Variants in FBXL17 observed in about 807,000 individuals in gnomAD.
The protein encoded by FBXL17 is F-box/LRR-repeat protein 17.
FBXL17 carries 22 observed loss-of-function variants against 66.2 expected under a neutral mutation model. That is an observed-to-expected ratio of 0.33 (90% confidence interval 0.24 to 0.47). The LOEUF is 0.47. Ranked by LOEUF, FBXL17 falls within the 20% of genes least tolerant of loss-of-function variation. FBXL17 has a pLI of 1.00. For missense variants in FBXL17, 878 were observed against 948.2 expected (o/e 0.93, Z 0.97); for synonymous variants, 474 against 400.5 (o/e 1.18, Z -2.19).
chr5:108,268,813 T>A (rs1001486172), intron 4 of FBXL17, among the ~76,000 whole-genome samples: 13 of 152,074 alleles, frequency 8.5e-5, no homozygotes, highest in Admixed American at 7.9e-4. Flanking sequence ...ACCACTACCA[T>A]CTTAGAGTTT....
rs1755420126 is a variant in FBXL17, at chr5:108,232,800, T to TATATATA, written c.1507-8573_1507-8572insTATATAT. Reference sequence around the variant, plus strand: ...GCTCTCACATATATATATATATATATATATAATATATACTATTAGTTCTGT... The same window carrying TATATATA: ...GCTCTCACATATATATATATATATATATATATAATATAATATATACTATTAGTTCTGT... On this transcript the variant is annotated intron_variant, in intron 4 of 8. Transcript: ENST00000542267. 3.0e-5 allele frequency among the ~76,000 whole-genome samples: 4 copies of TATATATA among 132,606 alleles called. No individual in the cohort carries two copies. The South Asian group carries it at 7.0e-4, about 23-fold the overall frequency. 87.0% of individuals were successfully genotyped at this position (132,606 alleles called of 152,430 possible).
intron 7 of FBXL17, among the ~76,000 whole-genome samples, chr5:107,935,066 T>C (rs971042272): frequency 3.9e-4 from 59 of 151,628 alleles, no homozygotes; most frequent in Non-Finnish European, 7.8e-4. Context: ...ATGGTATCTT[T>C]TGTTTTTTTT....
At chr5:108,243,022 C>T (rs187007895) in intron 4 of FBXL17, among the ~76,000 whole-genome samples, 101 of 152,258 alleles carry the variant, frequency 6.6e-4, no homozygotes, top group Non-Finnish European at 1.5e-4. Context: ...CTATTAGCAT[C>T]CAACGAGAAT....
chr5:108,314,035 G>A (rs892907269), intron 4 of FBXL17, among the ~76,000 whole-genome samples: 15 of 151,648 alleles, frequency 9.9e-5, no homozygotes, highest in Non-Finnish European at 3.0e-5. Context: ...TATTAAATCT[G>A]GGTAAAAGGT....
intron 7 of FBXL17, among the ~76,000 whole-genome samples, chr5:107,976,148 C>T (rs1005946303): frequency 1.3e-5 from 2 of 152,270 alleles, no homozygotes; most frequent in East Asian, 1.9e-4. Flanking sequence ...TAAGCCATCA[C>T]ACCTGGCCTA....
intron 7 of FBXL17, among the ~76,000 whole-genome samples, chr5:107,950,521 T>C (rs964733220): frequency 4.6e-5 from 7 of 152,142 alleles, no homozygotes; most frequent in Non-Finnish European, 1.0e-4. Context: ...AATGAGGTAA[T>C]GGCAAAAAGC....
rs377628632 is a variant in FBXL17, at chr5:107,892,150, G to T, written c.1823-10971C>A. On this transcript the variant is annotated intron_variant, in intron 7 of 8. Coordinates refer to ENST00000542267, the MANE Select transcript of FBXL17 (RefSeq NM_001163315.3). ...AGGAAAAAACAAAATGGCTGTATGA[G>T]AACTCTAAGTACCGTCTCTACTGAA... 3.6e-4 allele frequency among the ~76,000 whole-genome samples: 54 copies of T among 152,088 alleles called. 2 individuals carry two copies. In the Middle Eastern group the frequency reaches 0.01, roughly 29 times the overall value.
chr5:108,219,150 T>C (rs1754739147), intron 5 of FBXL17, among the ~76,000 whole-genome samples: 1 of 152,258 alleles, frequency 6.6e-6, no homozygotes. Context: ...ATGTGGGTAA[T>C]AATAGTCTCT....
intron 6 of FBXL17, among the ~76,000 whole-genome samples, chr5:108,046,684 T>C (rs945476333): frequency 6.6e-6 from 1 of 152,192 alleles, no homozygotes; most frequent in Non-Finnish European, 1.5e-5. Context: ...TTTGATCAGG[T>C]TGAGTGAAGT....
intron 5 of FBXL17, among the ~76,000 whole-genome samples, chr5:108,188,579 A>G (rs1231378182): frequency 6.6e-6 from 1 of 152,234 alleles, no homozygotes; most frequent in Non-Finnish European, 1.5e-5. Flanking sequence ...ACATCAGAAC[A>G]TAACTGGTAC....
In FBXL17 at chr5:108,311,238, C is replaced by G. The variant is rs372955321; in HGVS notation, c.1506+37161G>C. 3.0e-4 allele frequency among the ~76,000 whole-genome samples: 45 copies of G among 152,128 alleles called. No individual in the cohort carries two copies. The South Asian group carries it at 7.5e-3, about 25-fold the overall frequency. The stretch of plus-strand genomic sequence containing the variant: ...CCCGGCTAGACTGCAATGGCGCGAT[C>G]TCAGCTCACTGCAACCTCTGCCTCC... On this transcript the variant is annotated intron_variant, in intron 4 of 8. Coordinates refer to ENST00000542267, the MANE Select transcript of FBXL17 (RefSeq NM_001163315.3).
chr5:107,925,075 T>C (rs963507917), intron 7 of FBXL17, among the ~76,000 whole-genome samples: 8 of 152,204 alleles, frequency 5.3e-5, no homozygotes, highest in African/African-American at 1.9e-4. Context: ...AAAAAACAGA[T>C]TGATTTTTCA....
At chr5:108,274,146 G>A (rs1189845433) in intron 4 of FBXL17, among the ~76,000 whole-genome samples, 1 of 152,224 alleles carries the variant, frequency 6.6e-6, no homozygotes, top group Non-Finnish European at 1.5e-5. Flanking sequence ...CTTATCAGGA[G>A]ACAGGGTTTT....
At chr5:108,187,165 C>T (rs1753271952) in intron 5 of FBXL17, among the ~76,000 whole-genome samples, 1 of 152,100 alleles carries the variant, frequency 6.6e-6, no homozygotes, top group Non-Finnish European at 1.5e-5. Flanking sequence ...TTCTTGTCTT[C>T]CGCTGATGTT....
chr5:107,980,664 A>ATATATATATATATATATTTTT, intron 7 of FBXL17, among the ~76,000 whole-genome samples: 4 of 62,068 alleles, frequency 6.4e-5, no homozygotes, highest in African/African-American at 4.1e-4. Context: ...ATATATATAT[A>ATATATATATATATATATTTTT]TTTTTTTTTT....
At chr5:108,262,112 T>C (rs1012157950) in intron 4 of FBXL17, among the ~76,000 whole-genome samples, 2 of 149,842 alleles carry the variant, frequency 1.3e-5, no homozygotes, top group Non-Finnish European at 3.0e-5. Context: ...AGTCTCGCTC[T>C]GTCGCCCAGG....
chr5:107,873,221 A>T (rs1026300218), intron 8 of FBXL17, among the ~76,000 whole-genome samples: 2 of 152,240 alleles, frequency 1.3e-5, no homozygotes, highest in Non-Finnish European at 2.9e-5. Context: ...AAGAAGCATA[A>T]CCTTGGCTGT....
At chr5:108,190,140 CGTT>C (rs1182845476) in intron 5 of FBXL17, among the ~76,000 whole-genome samples, 1 of 152,144 alleles carries the variant, frequency 6.6e-6, no homozygotes, top group Non-Finnish European at 1.5e-5. Context: ...GCTGCGGTGA[CGTT>C]GTATTGCTGA....
intron 4 of FBXL17, among the ~76,000 whole-genome samples, chr5:108,318,304 C>T (rs1264919094): frequency 6.6e-6 from 1 of 151,688 alleles, no homozygotes; most frequent in Non-Finnish European, 1.5e-5. Flanking sequence ...GCTATGTCTT[C>T]AGCAAAACAA....
Sources: allele counts gnomAD v4.1 joint callset (sites outside exome capture counted in the v4.1 genomes callset), GRCh38; gene constraint gnomAD v4.1.1; transcripts MANE v1.5; gene names NCBI Gene and HGNC (gene_info 2026-07-23, HGNC 2026-07-21).